Variants in COG6 observed in about 807,000 individuals in gnomAD.
The protein encoded by COG6 is conserved oligomeric Golgi complex subunit 6.
COG6 carries 74 observed loss-of-function variants against 88.8 expected under a neutral mutation model. The ratio of observed to expected loss-of-function variants is 0.83; its 90% confidence interval spans 0.69 to 1.01. COG6 has a LOEUF of 1.01. Among genes scored for constraint, COG6 ranks in the 50% least tolerant of loss-of-function variants. The pLI is 0.00. For synonymous variants in COG6, 286 were observed against 278.7 expected, an observed-to-expected ratio of 1.03 and a Z score of -0.26; for missense variants, 800 against 797.9, an observed-to-expected ratio of 1.00 and a Z score of -0.03.
At chr13:39,784,107 C>T (rs1052614170) in intron 18 of COG6, among the ~76,000 whole-genome samples, 4 of 152,138 alleles carry the variant, frequency 2.6e-5, no homozygotes, top group Admixed American at 1.3e-4. Context: ...CCATTTAATA[C>T]ATTAAGAAGG....
At position 39,751,227 on chromosome 13, in the gene COG6, ATTTT is replaced by A; in HGVS notation, c.*144_*147del. The A allele has an allele frequency of 8.1e-7, 1 of 1,232,068 alleles. No individual in the cohort carries two copies. The highest frequency in any genetic ancestry group is 1.1e-6 in the Non-Finnish European group (1 of 908,994). 76.3% of individuals were successfully genotyped at this position (1,232,068 alleles called of 1,614,324 possible). ...TATCATAAGATTGTAAGTCCCGATA[ATTTT>A]TTTTTTTTTGGTCTCAGTAACAGGG... On this transcript the variant is annotated 3_prime_UTR_variant, in exon 19 of 19. Coordinates refer to ENST00000455146, the MANE Select transcript of COG6 (RefSeq NM_020751.3).
At chr13:39,732,758 A>G (rs1879521185) in intron 18 of COG6, among the ~76,000 whole-genome samples, 1 of 152,204 alleles carries the variant, frequency 6.6e-6, no homozygotes, top group East Asian at 1.9e-4. Context: ...GAGAATTGTG[A>G]GATAATACTA....
intron 3 of COG6, chr13:39,663,925 T>C (rs896671456): frequency 2.0e-5 from 3 of 151,184 alleles, no homozygotes; most frequent in Non-Finnish European, 4.4e-5. Context: ...ATATGCAAAA[T>C]TATCTAGGTT....
At chr13:39,765,919 C>T (rs1881149628) in intron 18 of COG6, among the ~76,000 whole-genome samples, 1 of 152,204 alleles carries the variant, frequency 6.6e-6, no homozygotes, top group African/African-American at 2.4e-5. Context: ...GGCCAAGTGC[C>T]AAAACCATTA....
chr13:39,658,467 A>G (rs1313614612), intron 1 of COG6, among the ~76,000 whole-genome samples: 1 of 151,994 alleles, frequency 6.6e-6, no homozygotes, highest in East Asian at 1.9e-4. Flanking sequence ...TTTCATTTGT[A>G]CTACTGCCAT....
chr13:39,732,622 C>T (rs965930872), intron 18 of COG6, among the ~76,000 whole-genome samples: 2 of 152,110 alleles, frequency 1.3e-5, no homozygotes, highest in African/African-American at 4.8e-5. Context: ...GAAAAATTCA[C>T]TGGATTGTCT....
intron 4 of COG6, among the ~76,000 whole-genome samples, chr13:39,672,492 T>C (rs2137971768): frequency 6.6e-6 from 1 of 152,156 alleles, no homozygotes; most frequent in African/African-American, 2.4e-5. Flanking sequence ...GAATCTTTCA[T>C]GCAAATAAGA....
intron 18 of COG6, among the ~76,000 whole-genome samples, chr13:39,766,531 T>C (rs1881170768): frequency 6.6e-6 from 1 of 151,656 alleles, no homozygotes; most frequent in Non-Finnish European, 1.5e-5. Flanking sequence ...TCCTACCCCA[T>C]CCCATACTCC....
intron 18 of COG6, among the ~76,000 whole-genome samples, chr13:39,739,976 A>G (rs969450248): frequency 7.2e-5 from 11 of 152,194 alleles, no homozygotes; most frequent in African/African-American, 2.7e-4. Context: ...ATATCTAATT[A>G]TAACAATGAA....
At chr13:39,790,369 A>T (rs1214270898) in exon 19 of COG6, 1 of 152,170 alleles carries the variant, frequency 6.6e-6, no homozygotes, top group Admixed American at 6.5e-5. Context: ...GCTCTAAATA[A>T]CATAAGCTAT....
intron 13 of COG6, among the ~76,000 whole-genome samples, chr13:39,702,323 C>T (rs749464026): frequency 1.3e-5 from 2 of 151,716 alleles, no homozygotes; most frequent in Non-Finnish European, 1.5e-5. Context: ...AGTATAACAC[C>T]GACATAAAAC....
At chr13:39,724,374 G>A in intron 16 of COG6, 134 bp from the exon 17 acceptor site, 1 of 671,038 alleles carries the variant, frequency 1.5e-6, no homozygotes, top group East Asian at 2.6e-5. Context: ...TTACACTTGA[G>A]TTCTTTGGAA....
chr13:39,724,653 C>T, intron 17 of COG6, 92 bp downstream of exon 17: 1 of 957,600 alleles, frequency 1.0e-6, no homozygotes. Context: ...CTGGGTGACA[C>T]TTTTTATCTC....
At chr13:39,721,041 T>G (rs754111581) in intron 15 of COG6, among the ~76,000 whole-genome samples, 11 of 152,112 alleles carry the variant, frequency 7.2e-5, no homozygotes, top group Non-Finnish European at 1.3e-4. Context: ...TTACCTTTCT[T>G]GGATAACTTC....
At chr13:39,743,946 A>T (rs1227784722) in intron 18 of COG6, among the ~76,000 whole-genome samples, 1 of 152,174 alleles carries the variant, frequency 6.6e-6, no homozygotes, top group Non-Finnish European at 1.5e-5. Context: ...AGGCTGGTTT[A>T]ACCTATGCAA....
intron 18 of COG6, among the ~76,000 whole-genome samples, chr13:39,730,773 CAAAAAAAAAAA>C (rs569292449): frequency 1.8e-4 from 7 of 39,470 alleles, no homozygotes; most frequent in African/African-American, 2.8e-4. Context: ...GACTCCATCT[CAAAAAAAAAAA>C]AAAAAAAAAA....
chr13:39,672,519 C>T (rs892999762), intron 4 of COG6, among the ~76,000 whole-genome samples: 25 of 151,856 alleles, frequency 1.6e-4, no homozygotes, highest in African/African-American at 6.0e-4. Context: ...AGTATGTGGC[C>T]CTTTTTGACT....
intron 12 of COG6, among the ~76,000 whole-genome samples, chr13:39,695,654 G>T (rs1003413121): frequency 6.6e-6 from 1 of 151,736 alleles, no homozygotes. Flanking sequence ...TAGTGACAGA[G>T]AGTAGCCACC....
chr13:39,669,754 A>G (rs1457884269), intron 4 of COG6, among the ~76,000 whole-genome samples: 2 of 152,130 alleles, frequency 1.3e-5, no homozygotes, highest in Middle Eastern at 3.2e-3. Flanking sequence ...AGCAAGGTTT[A>G]TGTTTATTAT....
Sources: gnomAD v4.1 joint callset for allele counts (sites outside exome capture counted in the v4.1 genomes callset) on GRCh38, gnomAD v4.1.1 for gene constraint, MANE v1.5 for transcripts, NCBI Gene and HGNC (gene_info 2026-07-23, HGNC 2026-07-21) for gene names.